The following XPO6 variants were observed in gnomAD, a reference collection of about 807,000 sequenced individuals.
XPO6 encodes exportin-6.
XPO6 carries 3 observed loss-of-function variants against 130.0 expected under a neutral mutation model. That is an observed-to-expected ratio of 0.02 (90% CI 0.01 to 0.06). The LOEUF is 0.06. XPO6 is among the 10% of genes least tolerant of loss of function. The pLI, the probability that XPO6 is intolerant of heterozygous loss-of-function variation, is 1.00. For missense variants in XPO6, 970 were observed against 1,393.0 expected, an observed-to-expected ratio of 0.70 and a Z score of 4.83; for synonymous variants, 524 against 548.9, an observed-to-expected ratio of 0.95 and a Z score of 0.63.
intron 1 of XPO6, among the ~76,000 whole-genome samples, chr16:28,209,382 G>A (rs2044088780): frequency 6.6e-6 from 1 of 152,162 alleles, no homozygotes; most frequent in African/African-American, 2.4e-5. Context: ...GCTCATGCAT[G>A]TAATCTCAGC....
intron 4 of XPO6, among the ~76,000 whole-genome samples, chr16:28,174,450 C>A (rs973403888): frequency 6.6e-6 from 1 of 152,118 alleles, no homozygotes; most frequent in Admixed American, 6.5e-5. Context: ...GCCCTCATCC[C>A]CGCCCTGAGA....
chr16:28,130,184 G>A (rs1389076895), intron 12 of XPO6, among the ~76,000 whole-genome samples: 1 of 152,222 alleles, frequency 6.6e-6, no homozygotes, highest in Non-Finnish European at 1.5e-5. Context: ...GAGCCTTCCA[G>A]GCTGGGTAAC....
chr16:28,125,032 G>A (rs936202622), intron 13 of XPO6, among the ~76,000 whole-genome samples: 1 of 152,222 alleles, frequency 6.6e-6, no homozygotes, highest in South Asian at 2.1e-4. Context: ...AGAAAGGGAG[G>A]AGGGACTGCT....
chr16:28,167,718 A>T (rs920677940), intron 5 of XPO6, among the ~76,000 whole-genome samples: 5 of 152,268 alleles, frequency 3.3e-5, no homozygotes, highest in African/African-American at 1.2e-4. Flanking sequence ...AACCCGGAAC[A>T]TAAGGTGATC....
intron 1 of XPO6, among the ~76,000 whole-genome samples, chr16:28,185,263 G>C (rs1312089290): frequency 5.3e-5 from 8 of 152,154 alleles, no homozygotes; most frequent in Admixed American, 6.5e-5. Flanking sequence ...GGGGGGCTGA[G>C]GCAAGAGGAT....
chr16:28,181,220 G>A (rs2043609367), intron 1 of XPO6, 189 bp from the exon 2 acceptor site: 2 of 499,362 alleles, frequency 4.0e-6, no homozygotes, highest in African/African-American at 2.0e-5. Context: ...AAAACCCAAC[G>A]TTGTTGTTGC....
intron 1 of XPO6, among the ~76,000 whole-genome samples, chr16:28,181,371 A>G (rs2043611591): frequency 6.6e-6 from 1 of 152,176 alleles, no homozygotes; most frequent in South Asian, 2.1e-4. Flanking sequence ...GAGCAGAGAG[A>G]TTCAAGAAGG....
At chr16:28,115,896 C>T (rs1420111372) in intron 15 of XPO6, among the ~76,000 whole-genome samples, 1 of 152,202 alleles carries the variant, frequency 6.6e-6, no homozygotes, top group Non-Finnish European at 1.5e-5. Context: ...TTCCTTAAAC[C>T]TCATGAACCA....
intron 1 of XPO6, among the ~76,000 whole-genome samples, chr16:28,200,698 T>C (rs1338675727): frequency 1.3e-5 from 2 of 152,176 alleles, no homozygotes; most frequent in Non-Finnish European, 2.9e-5. Context: ...TTCTGATTTC[T>C]GTTTTTTTGG....
intron 12 of XPO6, among the ~76,000 whole-genome samples, chr16:28,128,266 C>T (rs998968953): frequency 6.6e-6 from 1 of 152,150 alleles, no homozygotes; most frequent in Admixed American, 6.6e-5. Context: ...TGGGAATAAA[C>T]TCTAATGAAA....
chr16:28,123,159 T>C (rs1291198814), intron 13 of XPO6, among the ~76,000 whole-genome samples: 1 of 152,120 alleles, frequency 6.6e-6, no homozygotes, highest in South Asian at 2.1e-4. Flanking sequence ...GGCCAGAGGA[T>C]TGTAGTGATC....
At position 28,117,417 on chromosome 16, in the gene XPO6, T is replaced by C; in HGVS notation, c.1905A>G (p.Leu635=). ...GGTGAACTTCACTGCAATACTGTGC[T>C]AACCAGTGAGAGTAAGCCTGCAGCG... The part of the protein sequence containing the change: ...LAALQAYSHW[L]AQYCSEVHRQ... Residue 635 remains leucine (L), a synonymous_variant, in exon 15 of 24, where the codon TTA becomes TTG. Transcript: ENST00000304658. The C allele has an allele frequency of 1.2e-6, 2 of 1,614,222 alleles. No individual in the cohort carries two copies. The highest frequency in any genetic ancestry group is 1.7e-6 in the Non-Finnish European group (2 of 1,180,022).
chr16:28,180,352 A>C (rs1367052652), intron 2 of XPO6, among the ~76,000 whole-genome samples: 1 of 152,204 alleles, frequency 6.6e-6, no homozygotes, highest in East Asian at 1.9e-4. Flanking sequence ...CAACAGAATG[A>C]GACGCCGTCT....
chr16:28,127,805 T>A (rs534374302), intron 12 of XPO6, among the ~76,000 whole-genome samples: 12 of 152,108 alleles, frequency 7.9e-5, no homozygotes, highest in Non-Finnish European at 1.5e-4. Flanking sequence ...AAGAGGTAAC[T>A]CATGGAAGGA....
chr16:28,203,460 C>T (rs2043982593), intron 1 of XPO6, among the ~76,000 whole-genome samples: 1 of 152,138 alleles, frequency 6.6e-6, no homozygotes, highest in Admixed American at 6.6e-5. Flanking sequence ...GACAATGCAA[C>T]TACTTAAGAT....
rs1187890904 is a variant in XPO6 at position 28,135,280 on chromosome 16, C to T, written c.1379G>A (p.Arg460Gln). The change falls in exon 10 of 24, where the codon CGA (arginine) becomes CAA (glutamine). Residue 460 changes from arginine to glutamine, a missense_variant. Transcript: ENST00000304658. ...GGCTTGGTTGTATCTGAACTGGATT[C>T]GATTCAACACCTCTGTGAGCAGGAG... is the stretch of plus-strand genomic sequence containing the variant. ...LVLLLTEVLN[R>Q]IQFRYNQAQL... is the part of the protein sequence containing the mutation. 4 of 1,613,998 alleles carry T rather than the reference C, an allele frequency of 2.5e-6. No homozygotes were observed. The highest frequency in any genetic ancestry group is 2.5e-6 in the Non-Finnish European group (3 of 1,179,944).
At chr16:28,139,719 G>GT (rs1407054897) in intron 9 of XPO6, among the ~76,000 whole-genome samples, 1 of 152,062 alleles carries the variant, frequency 6.6e-6, no homozygotes. Flanking sequence ...TATATATACT[G>GT]TAATACCCAG....
At chr16:28,208,054 G>C (rs2044062143) in intron 1 of XPO6, among the ~76,000 whole-genome samples, 1 of 152,138 alleles carries the variant, frequency 6.6e-6, no homozygotes, top group Non-Finnish European at 1.5e-5. Flanking sequence ...GCTGAGGCTG[G>C]AGAATCATTT....
chr16:28,152,074 A>ATATGTG (rs1555527520), intron 8 of XPO6, among the ~76,000 whole-genome samples: 8 of 151,130 alleles, frequency 5.3e-5, no homozygotes, highest in African/African-American at 1.9e-4. Context: ...TATATTTTTT[A>ATATGTG]TGTGTGTGTG....
Sources: gnomAD v4.1 joint callset for allele counts (sites outside exome capture counted in the v4.1 genomes callset) on GRCh38, gnomAD v4.1.1 for gene constraint, MANE v1.5 for transcripts, NCBI Gene and HGNC (gene_info 2026-07-23, HGNC 2026-07-21) for gene names.